Variants in CLPX observed in about 807,000 individuals in gnomAD.
The protein encoded by CLPX is ATP-dependent clpX-like chaperone, mitochondrial.
In CLPX, 34 loss-of-function variants were observed where a neutral mutation model predicts 76.4. That is an observed-to-expected ratio of 0.45 (90% CI 0.34 to 0.59). CLPX has a LOEUF of 0.59. CLPX is among the 20% of genes least tolerant of loss of function. The pLI, the probability that CLPX is intolerant of heterozygous loss-of-function variation, is 0.01. For synonymous variants in CLPX, 248 were observed against 270.9 expected, an observed-to-expected ratio of 0.92 and a Z score of 0.83; for missense variants, 613 against 757.0, an observed-to-expected ratio of 0.81 and a Z score of 2.23.
At chr15:65,157,296 T>C (rs1051326677) in intron 8 of CLPX, among the ~76,000 whole-genome samples, 4 of 152,182 alleles carry the variant, frequency 2.6e-5, no homozygotes, top group African/African-American at 9.6e-5. Context: ...TTAAAGAAAT[T>C]TGAACAGGAA....
intron 1 of CLPX, among the ~76,000 whole-genome samples, chr15:65,181,723 T>C (rs990468648): frequency 3.3e-5 from 5 of 151,206 alleles, no homozygotes; most frequent in African/African-American, 1.2e-4. Context: ...TACTCCAGCC[T>C]GTGCAACGGA....
At chr15:65,160,623 T>TCTCTCTCTCA (rs1219208926) in intron 6 of CLPX, among the ~76,000 whole-genome samples, 109 of 101,018 alleles carry the variant, frequency 1.1e-3, no homozygotes, top group African/African-American at 3.7e-3. Flanking sequence ...TCTCTCTCTC[T>TCTCTCTCTCA]CACACACACA....
chr15:65,183,460 C>CAAAAAAAAAAAAAAAA (rs61002905), intron 1 of CLPX, among the ~76,000 whole-genome samples: 5 of 66,268 alleles, frequency 7.5e-5, no homozygotes, highest in Admixed American at 2.2e-4. Flanking sequence ...GACTCTGTCT[C>CAAAAAAAAAAAAAAAA]AAAAAAAAAA....
intron 6 of CLPX, among the ~76,000 whole-genome samples, chr15:65,160,621 T>TCACACACACACACA (rs759420054): frequency 7.8e-6 from 1 of 128,564 alleles, no homozygotes; most frequent in Admixed American, 8.1e-5. Context: ...TCTCTCTCTC[T>TCACACACACACACA]CTCACACACA....
intron 3 of CLPX, among the ~76,000 whole-genome samples, chr15:65,173,613 T>C (rs2088044571): frequency 6.6e-6 from 1 of 152,174 alleles, no homozygotes; most frequent in African/African-American, 2.4e-5. Context: ...CACGGGAGCA[T>C]TATTCAGAAC....
chr15:65,173,605 C>T (rs191311798), intron 3 of CLPX, among the ~76,000 whole-genome samples: 8 of 152,204 alleles, frequency 5.3e-5, no homozygotes, highest in East Asian at 3.9e-4. Flanking sequence ...CAGATGTTCA[C>T]GGGAGCATTA....
intron 3 of CLPX, among the ~76,000 whole-genome samples, chr15:65,168,933 T>C (rs1340068441): frequency 1.3e-5 from 2 of 151,314 alleles, no homozygotes; most frequent in Non-Finnish European, 2.9e-5. Flanking sequence ...CACTACTCAC[T>C]GCAGTCTTGA....
In CLPX at chr15:65,164,205, TATGA is replaced by T; in HGVS notation, c.514-21_514-18del. The T allele has an allele frequency of 1.3e-6, 2 of 1,587,076 alleles. No individual in the cohort carries two copies. Among genetic ancestry groups the T allele is most frequent in the Non-Finnish European group, 1.7e-6 (2 of 1,161,170 alleles). On this transcript the variant is annotated intron_variant, in intron 4 of 13. Transcript: ENST00000300107. Reference sequence around the variant, plus strand: ...GTTATAAATCTGAAAAATGATTAGGTATGAATAATTTAATATGAGCTATTATAAG... The same window carrying T: ...GTTATAAATCTGAAAAATGATTAGGTATAATTTAATATGAGCTATTATAAG...
Position 65,158,711 on chromosome 15 carries a change from A to T in CLPX, c.756T>A (p.Ala252=). 6.2e-7 allele frequency: 1 copy of T among 1,611,036 alleles called. No homozygotes were observed. Among genetic ancestry groups the T allele is most frequent in the Admixed American group, 1.7e-5 (1 of 59,534 alleles). Residue 252 remains alanine, a synonymous_variant, in exon 7 of 14, where the codon GCT becomes GCA. Transcript: ENST00000300107. ...CCTGTTGCTGCATTGATGCTCCTAAAGCATTACCATGTGGGCTAATTCCAG... is the reference window on the plus strand; with the variant it reads ...CCTGTTGCTGCATTGATGCTCCTAATGCATTACCATGTGGGCTAATTCCAG... The part of the protein sequence containing the change: ...QIAGISPHGN[A]LGASMQQQVN...
chr15:65,176,575 ATTC>A (rs2088093631), intron 3 of CLPX, among the ~76,000 whole-genome samples: 1 of 151,340 alleles, frequency 6.6e-6, no homozygotes, highest in South Asian at 2.1e-4. Flanking sequence ...CTAAGAAATT[ATTC>A]TTTTTTCTTT....
intron 4 of CLPX, among the ~76,000 whole-genome samples, chr15:65,166,314 CA>C (rs2087912054): frequency 6.6e-6 from 1 of 151,494 alleles, no homozygotes; most frequent in Non-Finnish European, 1.5e-5. Context: ...TCCATATGAA[CA>C]AAAATAAATC....
At chr15:65,179,890 T>G (rs1290494955) in intron 2 of CLPX, among the ~76,000 whole-genome samples, 154 bp downstream of exon 2, 1 of 152,216 alleles carries the variant, frequency 6.6e-6, no homozygotes, top group South Asian at 2.1e-4. Flanking sequence ...AGGTTCAAAA[T>G]GAAACATCTA....
At chr15:65,163,188 T>C (rs1294025925) in intron 5 of CLPX, among the ~76,000 whole-genome samples, 3 of 152,100 alleles carry the variant, frequency 2.0e-5, no homozygotes, top group African/African-American at 7.2e-5. Context: ...CAATCCAGCC[T>C]GGGTGACAGA....
intron 10 of CLPX, 95 bp from the exon 11 acceptor site, chr15:65,155,176 C>T (rs2087771947): frequency 1.9e-6 from 2 of 1,069,144 alleles, no homozygotes; most frequent in African/African-American, 1.6e-5. Flanking sequence ...TTTGTAACAA[C>T]TCTATGAAGA....
At chr15:65,162,067 C>A (rs1428034147) in intron 6 of CLPX, among the ~76,000 whole-genome samples, 4 of 152,106 alleles carry the variant, frequency 2.6e-5, no homozygotes, top group African/African-American at 9.7e-5. Context: ...GGAACCTCCA[C>A]CCTCAATGCA....
rs764209065 is a variant in CLPX at position 65,164,150 on chromosome 15, T to C, written c.552A>G (p.Ser184=). ...CAACTGAAAGCACCTTCTTAGCAAA[T>C]GACTGGCCAACAACATACTTGTCGA... The part of the protein sequence containing the change: ...NYLDKYVVGQ[S]FAKKVLSVAV... Residue 184 remains serine (S), a synonymous_variant, in exon 5 of 14, where the codon TCA becomes TCG. Coordinates refer to ENST00000300107, the MANE Select transcript of CLPX (RefSeq NM_006660.5). 3 of 1,612,624 alleles carry C rather than the reference T, an allele frequency of 1.9e-6. No individual in the cohort carries two copies. Among genetic ancestry groups the C allele is most frequent in the East Asian group, 2.2e-5 (1 of 44,780 alleles).
At chr15:65,172,522 A>G (rs900364610) in intron 3 of CLPX, among the ~76,000 whole-genome samples, 1 of 151,974 alleles carries the variant, frequency 6.6e-6, no homozygotes, top group Non-Finnish European at 1.5e-5. Context: ...AATCCCAGCT[A>G]CTCAGGAGCC....
chr15:65,185,050 C>G, intron 1 of CLPX, 25 bp downstream of exon 1: 1 of 1,401,328 alleles, frequency 7.1e-7, no homozygotes. Flanking sequence ...AGGCTGAGGG[C>G]TCAGGAGTGG....
intron 4 of CLPX, 48 bp from the exon 5 acceptor site, chr15:65,164,236 G>A (rs1329803607): frequency 4.8e-6 from 7 of 1,446,922 alleles, no homozygotes; most frequent in African/African-American, 1.4e-5. Context: ...TATTATAAGA[G>A]CACACACATT....
Sources: allele counts gnomAD v4.1 joint callset (sites outside exome capture counted in the v4.1 genomes callset), GRCh38; gene constraint gnomAD v4.1.1; transcripts MANE v1.5; gene names NCBI Gene and HGNC (gene_info 2026-07-23, HGNC 2026-07-21).